ABCC11: variants seen among roughly 807,000 people sequenced by gnomAD.
ABCC11 encodes ATP binding cassette subfamily C member 11.
A neutral mutation model predicts 149.3 loss-of-function variants in ABCC11; 135 were observed. That is an observed-to-expected ratio of 0.90 (90% CI 0.79 to 1.04). The LOEUF (loss-of-function observed/expected upper bound fraction) is 1.04. Ranked by LOEUF, ABCC11 falls within the 50% of genes least tolerant of loss-of-function variation. ABCC11 has a pLI of 0.00. For missense variants in ABCC11, 1,680 were observed against 1,722.1 expected, an observed-to-expected ratio of 0.98 and a Z score of 0.43; for synonymous variants, 665 against 671.4, an observed-to-expected ratio of 0.99 and a Z score of 0.15.
chr16:48,183,352 GCTCT>G (rs1966561466), intron 23 of ABCC11, among the ~76,000 whole-genome samples: 1 of 152,196 alleles, frequency 6.6e-6, no homozygotes, highest in African/African-American at 2.4e-5. Context: ...TTGGCCAGTC[GCTCT>G]CTCTCCACAT....
At chr16:48,187,175 G>A (rs1378262426) in intron 21 of ABCC11, 26 bp downstream of exon 21, 6 of 1,613,392 alleles carry the variant, frequency 3.7e-6, no homozygotes, top group Middle Eastern at 1.6e-4. Flanking sequence ...TGCTCCCCAA[G>A]TCACAAGCAA....
intron 23 of ABCC11, among the ~76,000 whole-genome samples, chr16:48,181,025 A>G (rs1341722162): frequency 1.3e-5 from 2 of 152,338 alleles, no homozygotes; most frequent in African/African-American, 4.8e-5. Flanking sequence ...TGCTGTGAAC[A>G]GTGCACCCTG....
In ABCC11 at chr16:48,216,298, G is replaced by A. The variant is rs2150878302; in HGVS notation, c.778-11C>T. ...GAAGAAGCTGATGGCCTGCAAGACAGCAAGTTGATGGGCACAGATGTCACC... is the reference window on the plus strand; with the variant it reads ...GAAGAAGCTGATGGCCTGCAAGACAACAAGTTGATGGGCACAGATGTCACC... On this transcript the variant is annotated splice_polypyrimidine_tract_variant and intron_variant, in intron 6 of 29. Transcript: ENST00000356608. The A allele has an allele frequency of 6.2e-7, 1 of 1,611,088 alleles. No homozygotes were observed. Among genetic ancestry groups the A allele is most frequent in the South Asian group, 1.1e-5 (1 of 90,870 alleles).
At chr16:48,178,711 G>A (rs952961987) in intron 23 of ABCC11, 25 bp from the exon 24 acceptor site, 8 of 1,608,246 alleles carry the variant, frequency 5.0e-6, no homozygotes, top group Non-Finnish European at 6.8e-6. Flanking sequence ...AAGTATCGGG[G>A]GTCAAGAGGC....
At chr16:48,202,255 A>G (rs543861861) in intron 14 of ABCC11, among the ~76,000 whole-genome samples, 1 of 152,308 alleles carries the variant, frequency 6.6e-6, no homozygotes, top group East Asian at 1.9e-4. Flanking sequence ...CTATTGAAGA[A>G]ACAACCTTGA....
At chr16:48,229,705 C>A (rs1596842121) in intron 3 of ABCC11, among the ~76,000 whole-genome samples, 1 of 152,134 alleles carries the variant, frequency 6.6e-6, no homozygotes, top group Non-Finnish European at 1.5e-5. Context: ...ACCTCATGAT[C>A]CACCCGCCTC....
intron 23 of ABCC11, among the ~76,000 whole-genome samples, chr16:48,180,143 C>A (rs1966338129): frequency 6.6e-6 from 1 of 152,246 alleles, no homozygotes; most frequent in South Asian, 2.1e-4. Flanking sequence ...AAACCAACCA[C>A]ATTAATTCTA....
chr16:48,241,022 C>T (rs1322613963), intron 1 of ABCC11, among the ~76,000 whole-genome samples: 3 of 152,046 alleles, frequency 2.0e-5, no homozygotes, highest in Non-Finnish European at 4.4e-5. Context: ...GCAACCTCTG[C>T]CTCCTGGGTT....
intron 11 of ABCC11, chr16:48,209,319 T>G (rs539994542): frequency 6.6e-6 from 1 of 152,420 alleles, no homozygotes; most frequent in African/African-American, 2.4e-5. Flanking sequence ...CATGGTATAA[T>G]GCAGCTGCCC....
At chr16:48,172,149 C>CG (rs1479236539) in intron 26 of ABCC11, among the ~76,000 whole-genome samples, 1 of 152,192 alleles carries the variant, frequency 6.6e-6, no homozygotes, top group Non-Finnish European at 1.5e-5. Context: ...ATGTGTCCTT[C>CG]TGTCTGGCAT....
rs1258773255 is a variant in ABCC11 at position 48,198,121 on chromosome 16, G to A, written c.2217+20C>T. ...ACGTGCGTCCACCGTGGGTAGTGAG[G>A]GCAGTGGGGCAGGACTCACCGAAGT... is the stretch of plus-strand genomic sequence containing the variant. On this transcript the variant is annotated intron_variant, in intron 16 of 29. Coordinates refer to ENST00000356608, the MANE Select transcript of ABCC11 (RefSeq NM_001370497.1). 2.5e-6 allele frequency: 4 copies of A among 1,614,170 alleles called. No homozygotes were observed. Among genetic ancestry groups the A allele is most frequent in the Non-Finnish European group, 3.4e-6 (4 of 1,180,038 alleles).
Position 48,231,915 on chromosome 16 carries a change from T to C in ABCC11, c.7A>G (p.Arg3Gly), listed in dbSNP as rs200128517. 1,354 of 1,614,120 alleles carry C rather than the reference T, an allele frequency of 8.4e-4. 1 individual carries two copies. Among genetic ancestry groups the C allele is most frequent in the Admixed American group, 1.5e-3 (88 of 60,016 alleles). ...TTGGGCACCCAGTATGTCCTCTTCC[T>C]AGTCATTTTCAGTTCCTGCCAATTC... MT[R>G]KRTYWVPNSS... is the part of the protein sequence containing the mutation. The change falls in exon 2 of 30, where the codon AGG becomes GGG. Residue 3 changes from arginine (R) to glycine (G), a missense_variant. Physicochemically the swap from Arg to Gly is moderately radical, Grantham distance 125. Transcript: ENST00000356608.
At chr16:48,210,461 T>C (rs1488183233) in intron 11 of ABCC11, 1 of 156,598 alleles carries the variant, frequency 6.4e-6, no homozygotes, top group East Asian at 1.9e-4. Context: ...TCAATTATTA[T>C]AAGGTATCAA....
intron 23 of ABCC11, among the ~76,000 whole-genome samples, chr16:48,182,226 G>A (rs1288648236): frequency 6.6e-6 from 1 of 152,186 alleles, no homozygotes; most frequent in Non-Finnish European, 1.5e-5. Context: ...ACATACATGT[G>A]CTCCTGCACA....
chr16:48,222,535 G>A (rs1004808302), intron 6 of ABCC11, 63 bp downstream of exon 6: 26 of 1,408,726 alleles, frequency 1.8e-5, no homozygotes, highest in Non-Finnish European at 2.5e-5. Flanking sequence ...GGCCCCCAGG[G>A]CAGTTATGTC....
At chr16:48,169,588 A>G (rs1192957231) in intron 28 of ABCC11, among the ~76,000 whole-genome samples, 1 of 152,166 alleles carries the variant, frequency 6.6e-6, no homozygotes, top group East Asian at 1.9e-4. Context: ...ATGCAGCCGT[A>G]AAAAAGGATG....
Position 48,227,931 on chromosome 16 carries a change from G to C in ABCC11, c.270C>G (p.Gly90=). ...FPAPQPLDNA[G]LFSYLTVSWL... Reference sequence around the variant, plus strand: ...ATGACACGGTGAGGTAGGAGAACAGGCCAGCATTGTCCAGGGGCTGGGGGG... The same window carrying C: ...ATGACACGGTGAGGTAGGAGAACAGCCCAGCATTGTCCAGGGGCTGGGGGG... The change falls in exon 4 of 30, where the codon GGC becomes GGG. Residue 90 remains glycine (G), a synonymous_variant. Coordinates refer to ENST00000356608, the MANE Select transcript of ABCC11 (RefSeq NM_001370497.1). The C allele has an allele frequency of 6.2e-7, 1 of 1,613,928 alleles. No homozygotes were observed. The highest frequency in any genetic ancestry group is 2.2e-5 in the East Asian group (1 of 44,854).
chr16:48,218,998 T>C (rs1969541313), intron 6 of ABCC11, among the ~76,000 whole-genome samples: 2 of 152,266 alleles, frequency 1.3e-5, no homozygotes, highest in African/African-American at 2.4e-5. Flanking sequence ...TGTAGTATCA[T>C]TGATGTAAAA....
rs536094919 is a variant in ABCC11, at chr16:48,197,914, C to T, written c.2314+57G>A. On this transcript the variant is annotated intron_variant, in intron 17 of 29. Transcript: ENST00000356608. ...GGGGTCAAGGAGGAAACACTGGGAC[C>T]TCTGGAGGACCCAGGCAGGCATGCA... is the stretch of plus-strand genomic sequence containing the variant. 1.8e-5 allele frequency: 29 copies of T among 1,578,626 alleles called. 1 individual carries two copies. In the South Asian group the frequency reaches 3.1e-4, roughly 17 times the overall value.
Sources: gnomAD v4.1 joint callset for allele counts (sites outside exome capture counted in the v4.1 genomes callset) on GRCh38, gnomAD v4.1.1 for gene constraint, MANE v1.5 for transcripts, NCBI Gene and HGNC (gene_info 2026-07-23, HGNC 2026-07-21) for gene names.